THSD4: variants seen among roughly 807,000 people sequenced by gnomAD.
THSD4 encodes the protein thrombospondin type-1 domain-containing protein 4.
THSD4 carries 69 observed loss-of-function variants against 119.0 expected under a neutral mutation model. The ratio of observed to expected loss-of-function variants is 0.58; its 90% CI spans 0.48 to 0.71. The LOEUF is 0.71. Among genes scored for constraint, THSD4 ranks in the 30% least tolerant of loss-of-function variants. The pLI, the probability that THSD4 is intolerant of heterozygous loss-of-function variation, is 0.00. For missense variants in THSD4, 1,393 were observed against 1,391.1 expected (o/e 1.00, Z -0.02); for synonymous variants, 524 against 540.4 (o/e 0.97, Z 0.42).
intron 11 of THSD4, among the ~76,000 whole-genome samples, chr15:71,740,254 A>G (rs915764420): frequency 2.0e-5 from 3 of 152,202 alleles, no homozygotes; most frequent in Non-Finnish European, 4.4e-5. Context: ...ATATTTTTGC[A>G]TTAAGGCCAA....
At chr15:71,682,833 G>A (rs2051813127) in intron 8 of THSD4, among the ~76,000 whole-genome samples, 1 of 146,502 alleles carries the variant, frequency 6.8e-6, no homozygotes, top group Admixed American at 6.8e-5. Context: ...TATCTGGCAT[G>A]GCAATTCTTC....
chr15:71,291,746 A>C (rs1258249316), intron 6 of THSD4, among the ~76,000 whole-genome samples: 1 of 152,230 alleles, frequency 6.6e-6, no homozygotes. Context: ...AAGTTGACAC[A>C]TAAAATTAAT....
intron 7 of THSD4, among the ~76,000 whole-genome samples, chr15:71,477,196 G>A (rs573188405): frequency 1.3e-5 from 2 of 152,210 alleles, no homozygotes; most frequent in Non-Finnish European, 2.9e-5. Flanking sequence ...AGACGTGCAC[G>A]GAGCCAGCCA....
At chr15:71,229,150 A>G (rs930915167) in intron 4 of THSD4, among the ~76,000 whole-genome samples, 1 of 152,206 alleles carries the variant, frequency 6.6e-6, no homozygotes, top group African/African-American at 2.4e-5. Context: ...CACATTTGTT[A>G]ATATCTGTTC....
intron 2 of THSD4, 134 bp downstream of exon 2, chr15:71,141,690 T>A (rs2004101): frequency 0.076 from 81,232 of 1,070,372 alleles, 9,589 homozygotes; most frequent in African/African-American, 0.5. Context: ...ATACGTCCAC[T>A]TGTGTAAAAG....
At chr15:71,144,325 C>G (rs1312443768) in intron 2 of THSD4, among the ~76,000 whole-genome samples, 2 of 152,068 alleles carry the variant, frequency 1.3e-5, no homozygotes, top group Non-Finnish European at 2.9e-5. Flanking sequence ...AGTAGAGTGT[C>G]TTCTGTTTAA....
Position 71,650,541 on chromosome 15 carries a change from A to G in THSD4, c.1153-9989A>G, listed in dbSNP as rs533140657. Among the ~76,000 whole-genome samples the G allele has an allele frequency of 3.5e-4, 54 of 152,262 alleles. No individual in the cohort carries two copies. The South Asian group carries it at 9.5e-3, about 27-fold the overall frequency. On this transcript the variant is annotated intron_variant, in intron 7 of 17. Transcript: ENST00000261862. ...CCCGGGGGCCTGAAAGCTTAAGGAG[A>G]TGAATAACTCCTCCCTTCTCAGGCC...
intron 3 of THSD4, among the ~76,000 whole-genome samples, chr15:71,156,115 T>A (rs2040774574): frequency 6.6e-6 from 1 of 152,198 alleles, no homozygotes; most frequent in South Asian, 2.1e-4. Flanking sequence ...ATGATAGGAC[T>A]CTTAGAAAGT....
chr15:71,697,467 C>A (rs1425144123), intron 8 of THSD4, among the ~76,000 whole-genome samples: 1 of 152,220 alleles, frequency 6.6e-6, no homozygotes, highest in Non-Finnish European at 1.5e-5. Context: ...TAGACACACA[C>A]CTGTCTCCCA....
intron 10 of THSD4, chr15:71,733,795 C>T (rs898958295): frequency 6.6e-6 from 1 of 151,458 alleles, no homozygotes; most frequent in African/African-American, 2.4e-5. Flanking sequence ...TGGCACTCAC[C>T]TGTAATCCCA....
At chr15:71,721,547 G>C in intron 8 of THSD4, among the ~76,000 whole-genome samples, 1 of 150,662 alleles carries the variant, frequency 6.6e-6, no homozygotes, top group South Asian at 2.1e-4. Flanking sequence ...GCACATGCCT[G>C]TAATCCCAGC....
intron 7 of THSD4, among the ~76,000 whole-genome samples, chr15:71,531,392 C>T (rs2048607594): frequency 6.6e-6 from 1 of 152,102 alleles, no homozygotes; most frequent in African/African-American, 2.4e-5. Context: ...TAGGAAGTGA[C>T]TGAAAAAAAT....
upstream of THSD4, chr15:71,111,562 C>T (rs2040305411): frequency 1.5e-6 from 1 of 658,564 alleles, no homozygotes; most frequent in African/African-American, 1.8e-5. Context: ...ACCATGCCTC[C>T]CTTATTTTCT....
chr15:71,731,468 A>G (rs2052979101), intron 10 of THSD4: 4 of 490,518 alleles, frequency 8.2e-6, no homozygotes, highest in South Asian at 2.2e-5. Flanking sequence ...TGCCAGTTCA[A>G]CATTTGAAAT....
At chr15:71,191,059 C>G (rs1362083050) in intron 3 of THSD4, among the ~76,000 whole-genome samples, 1 of 152,232 alleles carries the variant, frequency 6.6e-6, no homozygotes, top group Non-Finnish European at 1.5e-5. Flanking sequence ...ATCACTCTCT[C>G]TGTTCCTGGG....
intron 6 of THSD4, among the ~76,000 whole-genome samples, chr15:71,308,509 A>C (rs559504844): frequency 1.3e-5 from 2 of 152,172 alleles, no homozygotes; most frequent in Non-Finnish European, 2.9e-5. Flanking sequence ...TTTTTTACTG[A>C]GGTAAAATTC....
chr15:71,262,322 G>A lies in THSD4; in HGVS notation c.1015+5607G>A, dbSNP rs79986441. On this transcript the variant is annotated intron_variant, in intron 6 of 17. Coordinates refer to ENST00000261862, the MANE Select transcript of THSD4 (RefSeq NM_024817.3). ...TGGCAAAAGTGGAATTAGGGTGCCCGTGCATCCCAGTTCACCCAGGACAGT... is the reference window on the plus strand; with the variant it reads ...TGGCAAAAGTGGAATTAGGGTGCCCATGCATCCCAGTTCACCCAGGACAGT... Among the ~76,000 whole-genome samples the A allele has an allele frequency of 2.2e-3, 334 of 152,220 alleles. 1 individual carries two copies. The East Asian group carries it at 0.039, about 18-fold the overall frequency.
chr15:71,693,147 G>A lies in THSD4; in HGVS notation c.1357+32413G>A, dbSNP rs577449357. ...GGGTGGGGGGAAACCTAGCCTATGG[G>A]AAAGGAAAATCAGGAAAACCTTTTA... On this transcript the variant is annotated intron_variant, in intron 8 of 17. Transcript: ENST00000261862. 1.7e-3 allele frequency among the ~76,000 whole-genome samples: 257 copies of A among 152,270 alleles called. 1 individual carries two copies. The highest frequency in any genetic ancestry group is 3.1e-3 in the Non-Finnish European group (208 of 68,022).
intron 2 of THSD4, among the ~76,000 whole-genome samples, chr15:71,150,713 GT>G (rs1232054179): frequency 1.3e-5 from 2 of 152,322 alleles, no homozygotes; most frequent in Admixed American, 6.5e-5. Context: ...TCTAAGGATG[GT>G]TTTTTGGAGA....
Sources: gnomAD v4.1 joint callset for allele counts (sites outside exome capture counted in the v4.1 genomes callset) on GRCh38, gnomAD v4.1.1 for gene constraint, MANE v1.5 for transcripts, NCBI Gene and HGNC (gene_info 2026-07-23, HGNC 2026-07-21) for gene names.